The following CDKAL1 variants were observed in gnomAD, a reference collection of about 807,000 sequenced individuals.
CDKAL1 encodes the protein CDKAL1 threonylcarbamoyladenosine tRNA methylthiotransferase.
In CDKAL1, 32 loss-of-function variants were observed where a neutral mutation model predicts 68.2. The ratio of observed to expected loss-of-function variants is 0.47; its 90% confidence interval spans 0.35 to 0.63. CDKAL1 has a LOEUF of 0.63. Ranked by LOEUF, CDKAL1 falls within the 30% of genes least tolerant of loss-of-function variation. CDKAL1 has a pLI of 0.00. For missense variants in CDKAL1, 606 were observed against 696.7 expected (o/e 0.87, Z 1.47); for synonymous variants, 234 against 244.3 (o/e 0.96, Z 0.39).
chr6:20,747,946 G>A (rs1773731230), intron 6 of CDKAL1, among the ~76,000 whole-genome samples: 1 of 152,156 alleles, frequency 6.6e-6, no homozygotes, highest in African/African-American at 2.4e-5. Context: ...TGTTTAAGGA[G>A]AGAGAGTTTT....
chr6:21,036,435 G>A (rs1465869104), intron 11 of CDKAL1, among the ~76,000 whole-genome samples: 1 of 152,066 alleles, frequency 6.6e-6, no homozygotes, highest in Non-Finnish European at 1.5e-5. Context: ...AAGGTGTTAA[G>A]CTTCTGTTTC....
chr6:21,056,177 T>C (rs980647967), intron 11 of CDKAL1, among the ~76,000 whole-genome samples: 31 of 152,158 alleles, frequency 2.0e-4, no homozygotes, highest in African/African-American at 7.2e-4. Context: ...TTTCCATTTG[T>C]TTGTGTCCTC....
At chr6:21,216,599 C>T (rs1279056310) in intron 15 of CDKAL1, among the ~76,000 whole-genome samples, 5 of 152,062 alleles carry the variant, frequency 3.3e-5, no homozygotes, top group East Asian at 3.9e-4. Flanking sequence ...CATTGACAGG[C>T]GGTAAAGGAA....
At chr6:21,117,938 C>T (rs1271895624) in intron 13 of CDKAL1, among the ~76,000 whole-genome samples, 1 of 152,140 alleles carries the variant, frequency 6.6e-6, no homozygotes, top group Non-Finnish European at 1.5e-5. Context: ...AACTTTTATT[C>T]GTTCATTTAA....
Position 20,686,105 on chromosome 6 carries a change from A to G in CDKAL1, c.371+36728A>G, listed in dbSNP as rs149739091. ...TAAGGTTTTTTTTTTTTTTGCCAAT[A>G]CTCTTGAGTGTTTTATGCAGACATT... is the stretch of plus-strand genomic sequence containing the variant. On this transcript the variant is annotated intron_variant, in intron 5 of 15. Transcript: ENST00000274695. 4.3e-3 allele frequency among the ~76,000 whole-genome samples: 643 copies of G among 148,372 alleles called. 4 individuals carry two copies. Among genetic ancestry groups the G allele is most frequent in the African/African-American group, 0.015 (596 of 40,282 alleles).
At chr6:20,639,682 G>GT (rs1289767650) in intron 4 of CDKAL1, among the ~76,000 whole-genome samples, 43 of 152,212 alleles carry the variant, frequency 2.8e-4, no homozygotes, top group African/African-American at 6.7e-4. Flanking sequence ...TTTTCTTTTT[G>GT]TTTTTTGAGT....
chr6:20,620,738 A>AT (rs1273570037), intron 4 of CDKAL1, among the ~76,000 whole-genome samples: 1 of 150,936 alleles, frequency 6.6e-6, no homozygotes, highest in African/African-American at 2.4e-5. Flanking sequence ...TAATAGGTGC[A>AT]TTTTTTTCTG....
In CDKAL1 at chr6:20,589,889, A is replaced by T. The variant is rs180888778; in HGVS notation, c.286+41184A>T. Among the ~76,000 whole-genome samples the T allele has an allele frequency of 9.7e-4, 148 of 152,282 alleles. 2 individuals are homozygous for T. In the East Asian group the frequency reaches 0.016, roughly 16 times the overall value. On this transcript the variant is annotated intron_variant, in intron 4 of 15. Transcript: ENST00000274695. ...TAGAGAAATGGTAGTGCACGGGTTA[A>T]GAATTTGGGTGATGGCACCAGGCTG...
intron 13 of CDKAL1, chr6:21,135,814 C>G: frequency 2.3e-6 from 1 of 427,462 alleles, no homozygotes; most frequent in Non-Finnish European, 3.1e-6. Context: ...CATTGGAGAA[C>G]GGGTGCCATC....
In CDKAL1 at chr6:21,168,078, C is replaced by T. The variant is rs1024325600; in HGVS notation, c.1300-29943C>T. 2.6e-5 allele frequency among the ~76,000 whole-genome samples: 4 copies of T among 152,334 alleles called. No homozygotes were observed. In the South Asian group the frequency reaches 8.3e-4, roughly 32 times the overall value. ...GAGATATCCTGCATGTAGTCAAAGA[C>T]TGCAGTTGACCATAGGAAGCATGCT... On this transcript the variant is annotated intron_variant, in intron 13 of 15. Transcript: ENST00000274695.
intron 9 of CDKAL1, among the ~76,000 whole-genome samples, chr6:20,921,793 T>G (rs1762967607): frequency 6.6e-6 from 1 of 152,242 alleles, no homozygotes; most frequent in African/African-American, 2.4e-5. Flanking sequence ...TCTTCCTACT[T>G]GGCCAAAACA....
At chr6:21,212,344 TCA>T (rs1365999464) in intron 15 of CDKAL1, among the ~76,000 whole-genome samples, 1 of 152,114 alleles carries the variant, frequency 6.6e-6, no homozygotes, top group East Asian at 1.9e-4. Context: ...TAAAAAAAAA[TCA>T]CAGTCAAGCC....
chr6:21,207,527 A>G (rs1358371587), intron 15 of CDKAL1, among the ~76,000 whole-genome samples: 2 of 152,146 alleles, frequency 1.3e-5, no homozygotes, highest in South Asian at 2.1e-4. Flanking sequence ...GCAAAAAAAA[A>G]GTACTTTGCG....
chr6:20,608,246 A>C (rs1381532472), intron 4 of CDKAL1, among the ~76,000 whole-genome samples: 1 of 152,200 alleles, frequency 6.6e-6, no homozygotes, highest in Non-Finnish European at 1.5e-5. Flanking sequence ...TTCATTGATT[A>C]TGAGAGTGAA....
intron 6 of CDKAL1, among the ~76,000 whole-genome samples, chr6:20,751,800 T>C (rs1215827742): frequency 6.6e-6 from 1 of 152,222 alleles, no homozygotes; most frequent in East Asian, 1.9e-4. Flanking sequence ...TTTTTTTGTG[T>C]GTATTTATAA....
At chr6:21,020,006 A>G (rs1001833462) in intron 11 of CDKAL1, among the ~76,000 whole-genome samples, 4 of 152,116 alleles carry the variant, frequency 2.6e-5, no homozygotes, top group Admixed American at 6.6e-5. Flanking sequence ...AGTGTTCTAA[A>G]TGATACTGTT....
At chr6:20,664,962 C>T (rs1769457987) in intron 5 of CDKAL1, among the ~76,000 whole-genome samples, 1 of 151,998 alleles carries the variant, frequency 6.6e-6, no homozygotes, top group Non-Finnish European at 1.5e-5. Context: ...GTCACACTGC[C>T]TAAATAACTT....
rs151331942 is a variant in CDKAL1, at chr6:20,612,078, G to T, written c.287-37215G>T. Reference sequence around the variant, plus strand: ...CCATTCATGTTGCTGCAAATGATATGATTTTGTTCTTTCTTTATGGCCAAA... The same window carrying T: ...CCATTCATGTTGCTGCAAATGATATTATTTTGTTCTTTCTTTATGGCCAAA... On this transcript the variant is annotated intron_variant, in intron 4 of 15. Transcript: ENST00000274695. Among the ~76,000 whole-genome samples the T allele has an allele frequency of 8.0e-4, 121 of 152,200 alleles. 1 individual carries two copies. The highest frequency in any genetic ancestry group is 2.8e-3 in the African/African-American group (115 of 41,540).
At chr6:20,815,169 C>G (rs1417463212) in intron 8 of CDKAL1, among the ~76,000 whole-genome samples, 1 of 152,202 alleles carries the variant, frequency 6.6e-6, no homozygotes, top group Non-Finnish European at 1.5e-5. Flanking sequence ...CTGCCAGTTG[C>G]ATTTAGCATT....
Sources: allele counts gnomAD v4.1 joint callset (sites outside exome capture counted in the v4.1 genomes callset), GRCh38; gene constraint gnomAD v4.1.1; transcripts MANE v1.5; gene names NCBI Gene and HGNC (gene_info 2026-07-23, HGNC 2026-07-21).